AFF3: variants seen among roughly 807,000 people sequenced by gnomAD.
AFF3 encodes the protein ALF transcription elongation factor 3.
AFF3 carries 32 observed loss-of-function variants against 129.7 expected under a neutral mutation model. The ratio of observed to expected loss-of-function variants is 0.25; its 90% CI spans 0.19 to 0.33. The LOEUF (loss-of-function observed/expected upper bound fraction) is 0.33, where lower values mean the gene tolerates loss of function less well. AFF3 is among the 10% of genes least tolerant of loss of function. AFF3 has a pLI of 1.00. For missense variants in AFF3, 1,373 were observed against 1,592.0 expected (o/e 0.86, Z 2.34); for synonymous variants, 644 against 635.4 (o/e 1.01, Z -0.20).
chr2:99,854,390 T>C (rs1443642729), intron 7 of AFF3, among the ~76,000 whole-genome samples: 12 of 152,236 alleles, frequency 7.9e-5, no homozygotes, highest in Admixed American at 7.9e-4. Flanking sequence ...TGCTTTTGCC[T>C]AATGATCTTA....
intron 7 of AFF3, among the ~76,000 whole-genome samples, chr2:99,940,938 T>G (rs1281068064): frequency 6.6e-6 from 1 of 152,100 alleles, no homozygotes; most frequent in African/African-American, 2.4e-5. Context: ...TACCCCCACC[T>G]GTCTTTGTTT....
At chr2:100,005,950 CATTTA>C (rs1681934158) in intron 7 of AFF3, among the ~76,000 whole-genome samples, 1 of 152,118 alleles carries the variant, frequency 6.6e-6, no homozygotes, top group Non-Finnish European at 1.5e-5. Context: ...CTAGAACTCA[CATTTA>C]ATTTTAGTTA....
At chr2:99,610,206 C>G (rs544035945) in intron 13 of AFF3, among the ~76,000 whole-genome samples, 8 of 152,264 alleles carry the variant, frequency 5.3e-5, no homozygotes, top group South Asian at 2.1e-4. Context: ...ACCACCACCA[C>G]GATTAAAATG....
chr2:99,572,321 G>A lies in AFF3; in HGVS notation c.2919-3406C>T, dbSNP rs1016145706. Among the ~76,000 whole-genome samples, 3 of 102,572 alleles carry A rather than the reference G, an allele frequency of 2.9e-5. No homozygotes were observed. In the Admixed American group the frequency reaches 4.8e-4, roughly 16 times the overall value. The allele number at this position is 102,572 out of a possible 152,430, so 67.3% of individuals were successfully genotyped here. On this transcript the variant is annotated intron_variant, in intron 18 of 24. Coordinates refer to ENST00000672756, the MANE Select transcript of AFF3 (RefSeq NM_001386135.1). ...CCCCCCCCCCCACCTAGAAACACAC[G>A]GTCTTGGTTCTCAGCAGCATCAGGG...
chr2:99,777,879 T>C (rs972422812), intron 8 of AFF3, among the ~76,000 whole-genome samples: 2 of 132,108 alleles, frequency 1.5e-5, no homozygotes, highest in African/African-American at 5.9e-5. Context: ...ACCCTGGCCC[T>C]GGGAGCGCAG....
At chr2:100,135,705 A>T (rs1351485749) in intron 1 of AFF3, among the ~76,000 whole-genome samples, 1 of 152,210 alleles carries the variant, frequency 6.6e-6, no homozygotes, top group Admixed American at 6.5e-5. Context: ...GGCAAGGGAC[A>T]ACTGGAACTG....
chr2:99,981,753 ACTGT>A (rs1192138450), intron 7 of AFF3, among the ~76,000 whole-genome samples: 2 of 152,150 alleles, frequency 1.3e-5, no homozygotes, highest in African/African-American at 4.8e-5. Flanking sequence ...ATATTAACAA[ACTGT>A]CTGCAATGTT....
intron 12 of AFF3, among the ~76,000 whole-genome samples, chr2:99,670,248 T>C (rs778515036): frequency 1.0e-4 from 15 of 150,720 alleles, no homozygotes; most frequent in Non-Finnish European, 1.9e-4. Context: ...TTCAAAAGCA[T>C]GGAGTCTGAG....
chr2:100,116,323 G>T (rs1221164580), intron 2 of AFF3, among the ~76,000 whole-genome samples: 2 of 151,622 alleles, frequency 1.3e-5, no homozygotes, highest in African/African-American at 2.4e-5. Context: ...TTTAATTAAA[G>T]AAATTAATCT....
At chr2:100,036,592 AAT>A (rs1467590137) in intron 4 of AFF3, among the ~76,000 whole-genome samples, 1 of 152,118 alleles carries the variant, frequency 6.6e-6, no homozygotes, top group Non-Finnish European at 1.5e-5. Flanking sequence ...ATGTAAAAAA[AAT>A]GGACATATTT....
Position 100,019,296 on chromosome 2 carries a change from TAA to T in AFF3, c.54-10366_54-10365del, listed in dbSNP as rs538595320. Among the ~76,000 whole-genome samples, 23 of 152,334 alleles carry T rather than the reference TAA, an allele frequency of 1.5e-4. No individual in the cohort carries two copies. In the East Asian group the frequency reaches 4.4e-3, roughly 29 times the overall value. ...TTGAAATGGGGTTTCTGAAAAGGAC[TAA>T]GAGTCACCTTGAACTACTGCTATCC... is the stretch of plus-strand genomic sequence containing the variant. On this transcript the variant is annotated intron_variant, in intron 4 of 24. Coordinates refer to ENST00000672756, the MANE Select transcript of AFF3 (RefSeq NM_001386135.1).
At chr2:99,813,810 C>G (rs1421150231) in intron 8 of AFF3, among the ~76,000 whole-genome samples, 2 of 152,148 alleles carry the variant, frequency 1.3e-5, no homozygotes, top group African/African-American at 2.4e-5. Context: ...ACTACAGTAG[C>G]AAAGATCACA....
intron 13 of AFF3, among the ~76,000 whole-genome samples, chr2:99,634,996 CACACACAT>C (rs1242114645): frequency 1.9e-3 from 286 of 150,868 alleles, no homozygotes; most frequent in African/African-American, 6.6e-3. Context: ...CACACACACA[CACACACAT>C]ATGGTTGCTG....
In AFF3 at chr2:99,856,732, A is replaced by G. The variant is rs1690560086; in HGVS notation, c.874-19208T>C. On this transcript the variant is annotated intron_variant, in intron 7 of 24. Transcript: ENST00000672756. ...TCTTAAGTGGATGGCCAAGCATTTCAGAAAATGTTGAACTCCAGAGACCCC... is the reference window on the plus strand; with the variant it reads ...TCTTAAGTGGATGGCCAAGCATTTCGGAAAATGTTGAACTCCAGAGACCCC... 2.0e-5 allele frequency among the ~76,000 whole-genome samples: 3 copies of G among 152,162 alleles called. No homozygotes were observed. In the South Asian group the frequency reaches 6.2e-4, roughly 32 times the overall value.
At chr2:99,661,965 C>G (rs889733801) in intron 12 of AFF3, among the ~76,000 whole-genome samples, 1 of 152,124 alleles carries the variant, frequency 6.6e-6, no homozygotes, top group Non-Finnish European at 1.5e-5. Context: ...CGCGGTGAAA[C>G]CCCGTCTCTA....
chr2:99,690,104 C>T (rs1219412299), intron 11 of AFF3, among the ~76,000 whole-genome samples: 3 of 149,106 alleles, frequency 2.0e-5, no homozygotes, highest in Non-Finnish European at 3.0e-5. Flanking sequence ...AAACAAACCC[C>T]CCCACCCCCA....
At chr2:99,655,096 T>C (rs1297110830) in intron 12 of AFF3, among the ~76,000 whole-genome samples, 1 of 151,978 alleles carries the variant, frequency 6.6e-6, no homozygotes, top group Non-Finnish European at 1.5e-5. Context: ...GGTTTGTAAT[T>C]CAGTCTGAAG....
chr2:99,875,378 C>G (rs1692207046), intron 7 of AFF3, among the ~76,000 whole-genome samples: 1 of 152,244 alleles, frequency 6.6e-6, no homozygotes, highest in Non-Finnish European at 1.5e-5. Flanking sequence ...CTCACTTCCA[C>G]TTCTGTCACT....
Position 99,578,315 on chromosome 2 carries a change from G to A in AFF3, c.2918+12C>T, listed in dbSNP as rs76196419. The A allele has an allele frequency of 6.3e-4, 1,002 of 1,592,962 alleles. 8 individuals are homozygous for A. In the East Asian group the frequency reaches 0.016, roughly 26 times the overall value. On this transcript the variant is annotated intron_variant, in intron 18 of 24. Coordinates refer to ENST00000672756, the MANE Select transcript of AFF3 (RefSeq NM_001386135.1). ...CTTGCCCCTCACCACATTTAAAAGC[G>A]TCTGAACTTACATATCATCGAAGAC... is the stretch of plus-strand genomic sequence containing the variant.
Sources: allele counts gnomAD v4.1 joint callset (sites outside exome capture counted in the v4.1 genomes callset), GRCh38; gene constraint gnomAD v4.1.1; transcripts MANE v1.5; gene names NCBI Gene and HGNC (gene_info 2026-07-23, HGNC 2026-07-21).